The following FAM174A variants were observed in gnomAD, a reference collection of about 807,000 sequenced individuals.
FAM174A encodes family with sequence similarity 174 member A.
A neutral mutation model predicts 14.3 loss-of-function variants in FAM174A; 14 were observed. The observed-to-expected ratio is 0.98, with a 90% CI of 0.65 to 1.53. FAM174A has a LOEUF of 1.53. FAM174A is among the 40% of genes most tolerant of loss of function. The probability of loss-of-function intolerance (pLI) is 0.00; values close to 1 mark genes in which losing one functional copy is unlikely to be tolerated. For missense variants in FAM174A, 241 were observed against 249.6 expected (o/e 0.97, Z 0.23); for synonymous variants, 108 against 111.4 (o/e 0.97, Z 0.19).
At chr5:100,548,879 T>G (rs1436596015) in intron 1 of FAM174A, among the ~76,000 whole-genome samples, 1 of 152,156 alleles carries the variant, frequency 6.6e-6, no homozygotes, top group African/African-American at 2.4e-5. Context: ...TCTCATAAAC[T>G]ATTAATACTA....
chr5:100,578,445 C>A (rs1746944794), intron 2 of FAM174A, among the ~76,000 whole-genome samples: 1 of 152,018 alleles, frequency 6.6e-6, no homozygotes, highest in South Asian at 2.1e-4. Context: ...AAAGACAATC[C>A]TTAGTCTTAA....
intron 2 of FAM174A, 32 bp from the exon 3 acceptor site, chr5:100,586,149 A>G (rs759266336): frequency 7.5e-6 from 9 of 1,199,902 alleles, no homozygotes; most frequent in African/African-American, 1.5e-5. Flanking sequence ...TCTAGAAAGG[A>G]TATTTATGGT....
At chr5:100,577,563 T>C (rs989072872) in intron 2 of FAM174A, among the ~76,000 whole-genome samples, 1 of 152,140 alleles carries the variant, frequency 6.6e-6, no homozygotes, top group African/African-American at 2.4e-5. Context: ...GTTAAGAATA[T>C]CTTATTCAAA....
At chr5:100,557,049 TG>T (rs1746405358) in intron 1 of FAM174A, among the ~76,000 whole-genome samples, 1 of 152,210 alleles carries the variant, frequency 6.6e-6, no homozygotes, top group African/African-American at 2.4e-5. Context: ...TTCCAGTTTT[TG>T]CCCATTCAGT....
chr5:100,542,611 A>C (rs1425127071), intron 1 of FAM174A, among the ~76,000 whole-genome samples: 2 of 152,108 alleles, frequency 1.3e-5, no homozygotes, highest in Non-Finnish European at 2.9e-5. Context: ...TCCCTCTGAG[A>C]TGTAAATCTA....
intron 2 of FAM174A, among the ~76,000 whole-genome samples, chr5:100,580,990 G>T (rs924116193): frequency 6.6e-6 from 1 of 152,050 alleles, no homozygotes; most frequent in Non-Finnish European, 1.5e-5. Context: ...CTACAATGGC[G>T]TGATCTCAGC....
At chr5:100,563,994 C>T (rs905292922) in intron 2 of FAM174A, among the ~76,000 whole-genome samples, 1 of 151,816 alleles carries the variant, frequency 6.6e-6, no homozygotes, top group Non-Finnish European at 1.5e-5. Flanking sequence ...TTGGTGCTGT[C>T]CTTGTGATAG....
In FAM174A at chr5:100,554,904, T is replaced by A. The variant is rs141295018; in HGVS notation, c.435-7150T>A. Reference sequence around the variant, plus strand: ...CATAAAATACTATCTAATTTTTTTTTAAATTTTGGATGGGTTGCGTAGCTT... The same window carrying A: ...CATAAAATACTATCTAATTTTTTTTAAAATTTTGGATGGGTTGCGTAGCTT... On this transcript the variant is annotated intron_variant, in intron 1 of 2. Transcript: ENST00000312637. Among the ~76,000 whole-genome samples the A allele has an allele frequency of 7.5e-4, 114 of 152,212 alleles. No homozygotes were observed. The East Asian group carries it at 0.018, about 23-fold the overall frequency.
At chr5:100,554,471 C>T (rs762642253) in intron 1 of FAM174A, among the ~76,000 whole-genome samples, 6 of 151,824 alleles carry the variant, frequency 4.0e-5, no homozygotes, top group East Asian at 1.9e-4. Context: ...CGCACACCAC[C>T]ATGCCTAGCT....
At chr5:100,576,547 A>T (rs1746910126) in intron 2 of FAM174A, among the ~76,000 whole-genome samples, 2 of 152,176 alleles carry the variant, frequency 1.3e-5, no homozygotes, top group Non-Finnish European at 2.9e-5. Flanking sequence ...ATCATTGTCC[A>T]GGATTAGATT....
intron 2 of FAM174A, among the ~76,000 whole-genome samples, chr5:100,562,764 T>C (rs1746555004): frequency 6.6e-6 from 1 of 151,882 alleles, no homozygotes; most frequent in Non-Finnish European, 1.5e-5. Flanking sequence ...GGTCTGATCA[T>C]GTAGCTGTAA....
chr5:100,570,910 T>A (rs532339379), intron 2 of FAM174A, among the ~76,000 whole-genome samples: 11 of 152,046 alleles, frequency 7.2e-5, no homozygotes, highest in African/African-American at 2.6e-4. Context: ...AGTGTTGAAT[T>A]TTATCATATA....
chr5:100,575,984 A>G (rs1249771999), intron 2 of FAM174A, among the ~76,000 whole-genome samples: 1 of 152,166 alleles, frequency 6.6e-6, no homozygotes, highest in Admixed American at 6.6e-5. Flanking sequence ...TCATTTTCCA[A>G]ATTCTATCCA....
chr5:100,574,926 A>G (rs923917411), intron 2 of FAM174A, among the ~76,000 whole-genome samples: 1 of 152,200 alleles, frequency 6.6e-6, no homozygotes, highest in Non-Finnish European at 1.5e-5. Context: ...TTAGGATCCA[A>G]ATTCACTATG....
intron 1 of FAM174A, among the ~76,000 whole-genome samples, chr5:100,541,865 G>A (rs1020810896): frequency 6.6e-6 from 1 of 152,062 alleles, no homozygotes; most frequent in Non-Finnish European, 1.5e-5. Context: ...CAGTGCACTG[G>A]TTCTTACTTT....
intron 2 of FAM174A, among the ~76,000 whole-genome samples, chr5:100,583,775 C>A (rs370128696): frequency 1.3e-5 from 2 of 152,150 alleles, no homozygotes; most frequent in South Asian, 4.1e-4. Flanking sequence ...TGATGGCTCT[C>A]AAGTCTTTTT....
At chr5:100,564,834 C>T (rs771996842) in intron 2 of FAM174A, among the ~76,000 whole-genome samples, 2 of 151,772 alleles carry the variant, frequency 1.3e-5, no homozygotes, top group Admixed American at 6.6e-5. Flanking sequence ...AAAAGAAATT[C>T]GAAGTCCAAA....
chr5:100,547,014 TA>T (rs1746176530), intron 1 of FAM174A, among the ~76,000 whole-genome samples: 1 of 152,160 alleles, frequency 6.6e-6, no homozygotes, highest in Non-Finnish European at 1.5e-5. Context: ...TGTGCATATA[TA>T]TGTGCATATT....
intron 2 of FAM174A, among the ~76,000 whole-genome samples, chr5:100,582,885 A>G (rs901370554): frequency 1.3e-5 from 2 of 152,194 alleles, no homozygotes; most frequent in Non-Finnish European, 2.9e-5. Context: ...TGGCTCTTGA[A>G]TAACATGGGG....
Sources: allele counts gnomAD v4.1 joint callset (sites outside exome capture counted in the v4.1 genomes callset), GRCh38; gene constraint gnomAD v4.1.1; transcripts MANE v1.5; gene names NCBI Gene and HGNC (gene_info 2026-07-23, HGNC 2026-07-21).